ZNF362: variants seen among roughly 807,000 people sequenced by gnomAD.
ZNF362 encodes the protein rotund homolog.
In ZNF362, 11 loss-of-function variants were observed where a neutral mutation model predicts 42.9. That is an observed-to-expected ratio of 0.26 (90% CI 0.16 to 0.42). ZNF362 has a LOEUF of 0.42. Among genes scored for constraint, ZNF362 ranks in the 20% least tolerant of loss-of-function variants. The pLI is 1.00. For missense variants in ZNF362, 362 were observed against 576.2 expected (o/e 0.63, Z 3.81); for synonymous variants, 255 against 257.3 (o/e 0.99, Z 0.09).
At chr1:33,176,129 G>A in the ZNF362 span, among the ~76,000 whole-genome samples, 1 of 152,190 alleles carries the variant, frequency 6.6e-6, no homozygotes, top group Admixed American at 6.5e-5. Context: ...TAACAGCAGA[G>A]CCACTTCCCC....
At chr1:33,262,818 A>G (rs1557786713) in intron 1 of ZNF362, among the ~76,000 whole-genome samples, 1 of 152,210 alleles carries the variant, frequency 6.6e-6, no homozygotes, top group Admixed American at 6.5e-5. Flanking sequence ...TTTCAGAAAT[A>G]CCACCACAGG....
chr1:33,238,602 A>C, the ZNF362 span, among the ~76,000 whole-genome samples: 2 of 151,916 alleles, frequency 1.3e-5, no homozygotes, highest in Admixed American at 6.6e-5. Context: ...GAGCGAAGGG[A>C]GTTGTTATGG....
chr1:33,189,709 G>GTGTGTATATATATATATATATA, the ZNF362 span, among the ~76,000 whole-genome samples: 6 of 12,444 alleles, frequency 4.8e-4, no homozygotes, highest in East Asian at 5.8e-3. Context: ...ACATATATAC[G>GTGTGTATATATATATATATATA]TATATATATA....
At chr1:33,147,599 C>T in the ZNF362 span, 1 of 1,614,166 alleles carries the variant, frequency 6.2e-7, no homozygotes. This position sits in a 1 kb window ranked among gnomAD's most constrained non-coding sequence, Gnocchi z 8.1. Flanking sequence ...GACACCTCCA[C>T]ATCGAAGCGC....
At chr1:33,202,818 C>T in the ZNF362 span, among the ~76,000 whole-genome samples, 2 of 151,958 alleles carry the variant, frequency 1.3e-5, no homozygotes, top group Non-Finnish European at 2.9e-5. Context: ...TAGTGGAGTT[C>T]CTCAGCCCAG....
intron 6 of ZNF362, among the ~76,000 whole-genome samples, chr1:33,286,515 CTCTT>C (rs1368521089): frequency 6.6e-6 from 1 of 152,058 alleles, no homozygotes; most frequent in Non-Finnish European, 1.5e-5. Context: ...CTCTCTCTCT[CTCTT>C]TTGGACTAAT....
At chr1:33,245,293 C>T in the ZNF362 span, among the ~76,000 whole-genome samples, 5 of 152,248 alleles carry the variant, frequency 3.3e-5, no homozygotes, top group African/African-American at 4.8e-5. Context: ...ATCATATTCT[C>T]AGAAAGGATT....
chr1:33,193,504 G>T, the ZNF362 span, among the ~76,000 whole-genome samples: 1 of 152,204 alleles, frequency 6.6e-6, no homozygotes, highest in Non-Finnish European at 1.5e-5. Context: ...TGCTAGGAAA[G>T]AAAGTCAGAA....
the ZNF362 span, among the ~76,000 whole-genome samples, chr1:33,185,027 C>T: frequency 2.6e-5 from 4 of 151,170 alleles, no homozygotes; most frequent in Non-Finnish European, 5.9e-5. Context: ...GTCATCCAAC[C>T]GCCTCTGCCT....
chr1:33,268,162 C>T (rs1645877377), intron 1 of ZNF362, among the ~76,000 whole-genome samples: 1 of 152,158 alleles, frequency 6.6e-6, no homozygotes, highest in African/African-American at 2.4e-5. Context: ...ACACACATAG[C>T]CCCTTCTTGG....
the ZNF362 span, among the ~76,000 whole-genome samples, chr1:33,149,942 C>G: frequency 1.3e-5 from 2 of 152,206 alleles, no homozygotes; most frequent in South Asian, 4.1e-4. Flanking sequence ...GAAAGACTCA[C>G]CAAATTAAAC....
intron 6 of ZNF362, chr1:33,282,101 C>G: frequency 2.3e-6 from 1 of 437,056 alleles, no homozygotes. Context: ...GTCTAGCTTC[C>G]TCCAGGAAGC....
intron 1 of ZNF362, 143 bp downstream of exon 1, chr1:33,256,797 G>T (rs913954772): frequency 6.9e-6 from 1 of 145,418 alleles, no homozygotes; most frequent in Non-Finnish European, 1.5e-5. Flanking sequence ...CGAGGGCCCG[G>T]GGCCGCCTGC....
At chr1:33,269,721 G>GT (rs1417756324) in intron 1 of ZNF362, among the ~76,000 whole-genome samples, 2 of 152,174 alleles carry the variant, frequency 1.3e-5, no homozygotes. Flanking sequence ...ACTTTTTAAT[G>GT]TCTGTGGGTT....
At chr1:33,159,187 T>G in the ZNF362 span, among the ~76,000 whole-genome samples, 1 of 152,024 alleles carries the variant, frequency 6.6e-6, no homozygotes, top group Non-Finnish European at 1.5e-5. This position sits in a 1 kb window ranked among gnomAD's most constrained non-coding sequence, Gnocchi z 4.2. Flanking sequence ...ATGACAGTGG[T>G]AACTACTTTC....
the ZNF362 span, among the ~76,000 whole-genome samples, chr1:33,137,170 A>G: frequency 6.6e-6 from 1 of 152,092 alleles, no homozygotes; most frequent in Non-Finnish European, 1.5e-5. Flanking sequence ...TAGCAAGGGA[A>G]GAATGATCCC....
rs535316658 is a variant in ZNF362, at chr1:33,266,289, C to T, written c.-88-4198C>T. The stretch of plus-strand genomic sequence containing the variant: ...TCTTCACGGCTCACATGGAAAGACC[C>T]CTCCTCATCAATTCCCTCAGTGAAC... On this transcript the variant is annotated intron_variant, in intron 1 of 8. Transcript: ENST00000539719. The surrounding 1 kb of genome is among the most constrained non-coding windows in gnomAD (Gnocchi z 4.3). Among the ~76,000 whole-genome samples the T allele has an allele frequency of 5.6e-4, 86 of 152,328 alleles. No homozygotes were observed. The highest frequency in any genetic ancestry group is 3.7e-3 in the Admixed American group (57 of 15,308).
chr1:33,268,824 G>A (rs562053090), intron 1 of ZNF362, among the ~76,000 whole-genome samples: 56 of 152,346 alleles, frequency 3.7e-4, no homozygotes, highest in African/African-American at 1.3e-3. Flanking sequence ...AAATTGTCTG[G>A]AGGGAAGTAG....
chr1:33,193,837 A>G, the ZNF362 span, among the ~76,000 whole-genome samples: 1 of 152,210 alleles, frequency 6.6e-6, no homozygotes, highest in African/African-American at 2.4e-5. Context: ...AGCCTTAACT[A>G]AAAAACGGAG....
Sources: allele counts gnomAD v4.1 joint callset (sites outside exome capture counted in the v4.1 genomes callset), GRCh38; gene constraint gnomAD v4.1.1; non-coding constraint Gnocchi (gnomAD v3.1); transcripts MANE v1.5; gene names NCBI Gene and HGNC (gene_info 2026-07-23, HGNC 2026-07-21).